MAST4: variants seen among roughly 807,000 people sequenced by gnomAD.
MAST4 encodes the protein microtubule-associated serine/threonine-protein kinase 4.
In MAST4, 89 loss-of-function variants were observed where a neutral mutation model predicts 162.7. That is an observed-to-expected ratio of 0.55 (90% CI 0.46 to 0.65). MAST4 has a LOEUF of 0.65. MAST4 is among the 30% of genes least tolerant of loss of function. The probability of loss-of-function intolerance (pLI) is 0.00; values close to 1 mark genes in which losing one functional copy is unlikely to be tolerated. For missense variants in MAST4, 3,153 were observed against 3,374.0 expected (o/e 0.93, Z 1.62); for synonymous variants, 1,479 against 1,361.1 (o/e 1.09, Z -1.91).
chr5:66,946,457 G>A (rs1051531379), intron 4 of MAST4, among the ~76,000 whole-genome samples: 6 of 152,130 alleles, frequency 3.9e-5, no homozygotes, highest in African/African-American at 1.2e-4. Context: ...ATAAATAAAT[G>A]AATTCTATTC....
At chr5:66,872,716 T>G (rs1761027983) in intron 3 of MAST4, among the ~76,000 whole-genome samples, 1 of 152,180 alleles carries the variant, frequency 6.6e-6, no homozygotes, top group Admixed American at 6.5e-5. Flanking sequence ...AACATGTGAA[T>G]TTTGCTAATG....
chr5:66,944,907 A>G (rs999147331), intron 4 of MAST4, among the ~76,000 whole-genome samples: 3 of 152,098 alleles, frequency 2.0e-5, no homozygotes, highest in African/African-American at 7.2e-5. Flanking sequence ...AGAGCCACCT[A>G]GTGTAATCTC....
intron 14 of MAST4, among the ~76,000 whole-genome samples, chr5:67,124,062 T>G (rs968552257): frequency 4.6e-5 from 7 of 152,232 alleles, no homozygotes; most frequent in Admixed American, 3.9e-4. Flanking sequence ...TAGGGCTGAT[T>G]CATTCTGCTC....
At chr5:67,042,767 AG>A (rs1756920640) in intron 4 of MAST4, among the ~76,000 whole-genome samples, 1 of 152,220 alleles carries the variant, frequency 6.6e-6, no homozygotes, top group Non-Finnish European at 1.5e-5. Flanking sequence ...TCATTTTGCA[AG>A]ATACTGAATT....
chr5:66,852,303 A>G (rs549435606), intron 3 of MAST4, among the ~76,000 whole-genome samples: 3 of 152,128 alleles, frequency 2.0e-5, no homozygotes, highest in Admixed American at 1.3e-4. Context: ...ATGCACTACC[A>G]TGGGCTAATT....
chr5:66,866,811 G>A (rs1195336758), intron 3 of MAST4, among the ~76,000 whole-genome samples: 2 of 152,200 alleles, frequency 1.3e-5, no homozygotes, highest in African/African-American at 4.8e-5. Flanking sequence ...AGTGCGGTGC[G>A]TGATCACGGC....
chr5:67,022,330 G>T (rs1287650709), intron 4 of MAST4, among the ~76,000 whole-genome samples: 1 of 151,736 alleles, frequency 6.6e-6, no homozygotes, highest in Non-Finnish European at 1.5e-5. Context: ...TCTACTTGAG[G>T]TGCCTTCCAA....
intron 1 of MAST4, among the ~76,000 whole-genome samples, chr5:66,633,656 A>G (rs1441491305): frequency 6.6e-6 from 1 of 152,222 alleles, no homozygotes; most frequent in Admixed American, 6.5e-5. Flanking sequence ...GATAGTTTCA[A>G]GAATTCAAAT....
intron 1 of MAST4, among the ~76,000 whole-genome samples, chr5:66,666,910 T>G (rs1308494780): frequency 1.3e-5 from 2 of 152,136 alleles, no homozygotes; most frequent in Non-Finnish European, 2.9e-5. Context: ...AGGGTAAGAA[T>G]AAGGGTTGGT....
chr5:67,123,727 A>T (rs148725733), intron 14 of MAST4, among the ~76,000 whole-genome samples: 26 of 152,374 alleles, frequency 1.7e-4, no homozygotes, highest in African/African-American at 5.8e-4. Context: ...AAAGTAAAAG[A>T]ATAAAATTGA....
intron 1 of MAST4, among the ~76,000 whole-genome samples, chr5:66,703,678 C>A (rs1349797268): frequency 6.6e-6 from 1 of 152,308 alleles, no homozygotes; most frequent in South Asian, 2.1e-4. Context: ...TTGTTGCCCT[C>A]ATGCTCATTT....
intron 3 of MAST4, among the ~76,000 whole-genome samples, chr5:66,864,872 CA>C (rs1760387106): frequency 6.6e-6 from 1 of 152,200 alleles, no homozygotes; most frequent in Non-Finnish European, 1.5e-5. Context: ...TGTGTTACAG[CA>C]GCCTTAGCAA....
intron 3 of MAST4, among the ~76,000 whole-genome samples, chr5:66,895,814 T>TG (rs1762648298): frequency 6.6e-6 from 1 of 152,216 alleles, no homozygotes; most frequent in Non-Finnish European, 1.5e-5. Context: ...CCCTTCTCCC[T>TG]GTCTCCCCCT....
At chr5:67,132,087 T>C (rs1195766498) in intron 16 of MAST4, 136 bp downstream of exon 16, 6 of 969,666 alleles carry the variant, frequency 6.2e-6, no homozygotes, top group African/African-American at 3.3e-5. Flanking sequence ...TTTAACAGTA[T>C]ATATGGTAAT....
chr5:67,052,645 T>C (rs534190137), intron 4 of MAST4, among the ~76,000 whole-genome samples: 69 of 152,216 alleles, frequency 4.5e-4, no homozygotes, highest in African/African-American at 1.6e-3. Context: ...TTAGATTATT[T>C]GCATTGACAG....
At chr5:67,128,786 C>T (rs1195521269) in intron 14 of MAST4, among the ~76,000 whole-genome samples, 3 of 152,180 alleles carry the variant, frequency 2.0e-5, no homozygotes, top group African/African-American at 4.8e-5. Flanking sequence ...AAATCCATTT[C>T]AGATCACATA....
At chr5:66,767,600 A>C (rs1335912936) in intron 2 of MAST4, among the ~76,000 whole-genome samples, 1 of 151,788 alleles carries the variant, frequency 6.6e-6, no homozygotes, top group African/African-American at 2.4e-5. Context: ...AACTAATAGG[A>C]TATATATACA....
At chr5:66,654,733 A>G (rs1325679733) in intron 1 of MAST4, among the ~76,000 whole-genome samples, 1 of 152,198 alleles carries the variant, frequency 6.6e-6, no homozygotes, top group Non-Finnish European at 1.5e-5. Flanking sequence ...AATTATGTTA[A>G]GATTGTTTTT....
In MAST4 at chr5:66,612,222, C is replaced by T. The variant is rs538397450; in HGVS notation, c.363+15204C>T. ...CTTCTTTTTTGCAGTGTTTCTTTTT[C>T]TTTCCCTTGCCTGTTCACTTGAACT... On this transcript the variant is annotated intron_variant, in intron 1 of 28. Coordinates refer to ENST00000403625, the MANE Select transcript of MAST4 (RefSeq NM_001164664.2). 8.5e-5 allele frequency among the ~76,000 whole-genome samples: 13 copies of T among 152,276 alleles called. No homozygotes were observed. The Middle Eastern group carries it at 0.01, about 120-fold the overall frequency.
Sources: gnomAD v4.1 joint callset for allele counts (sites outside exome capture counted in the v4.1 genomes callset) on GRCh38, gnomAD v4.1.1 for gene constraint, MANE v1.5 for transcripts, NCBI Gene and HGNC (gene_info 2026-07-23, HGNC 2026-07-21) for gene names.